PRSS21: variants seen among roughly 807,000 people sequenced by gnomAD.
PRSS21 encodes testisin.
PRSS21 carries 40 observed loss-of-function variants against 31.1 expected under a neutral mutation model. The ratio of observed to expected loss-of-function variants is 1.29; its 90% CI spans 1.00 to 1.68. PRSS21 has a LOEUF of 1.68. PRSS21 is among the 40% of genes most tolerant of loss of function. PRSS21 has a pLI of 0.00. For missense variants in PRSS21, 467 were observed against 412.6 expected (o/e 1.13, Z -1.14); for synonymous variants, 186 against 167.7 (o/e 1.11, Z -0.84).
In PRSS21 at chr16:2,821,120, T is replaced by C. The variant is rs11076844; in HGVS notation, c.705+11T>C. 1,127,574 of 1,613,290 alleles carry C rather than the reference T, an allele frequency of 0.7. 395,012 individuals are homozygous for C. Among genetic ancestry groups the C allele is most frequent in the African/African-American group, 0.83 (62,129 of 75,006 alleles). On this transcript the variant is annotated intron_variant, in intron 5 of 5. Transcript: ENST00000005995. Reference sequence around the variant, plus strand: ...AAGGATGCCTGCTTCGTGAGTGTCCTTGCCACCACTCCCAGCCCAGGAAAG... The same window carrying C: ...AAGGATGCCTGCTTCGTGAGTGTCCCTGCCACCACTCCCAGCCCAGGAAAG...
At chr16:2,819,965 C>T (rs984368541) in intron 4 of PRSS21, among the ~76,000 whole-genome samples, 1 of 152,196 alleles carries the variant, frequency 6.6e-6, no homozygotes, top group Non-Finnish European at 1.5e-5. Flanking sequence ...AGGACCCTTG[C>T]TGCAAACACG....
In PRSS21 at chr16:2,817,983, A is replaced by G. The variant is rs375587516; in HGVS notation, c.257+17A>G. On this transcript the variant is annotated intron_variant, in intron 3 of 5. Transcript: ENST00000005995. This position sits in a 1 kb window ranked among gnomAD's most constrained non-coding sequence, Gnocchi z 4.2. Reference sequence around the variant, plus strand: ...CTTTGAAACGTGAGTGGGGGTGCGAACGGAGGGGTGCGGGGACGGGCAGGA... The same window carrying G: ...CTTTGAAACGTGAGTGGGGGTGCGAGCGGAGGGGTGCGGGGACGGGCAGGA... 1 of 1,543,228 alleles carries G rather than the reference A, an allele frequency of 6.5e-7. No individual in the cohort carries two copies. Among genetic ancestry groups the G allele is most frequent in the African/African-American group, 1.4e-5 (1 of 72,896 alleles).
Position 2,817,719 on chromosome 16 carries a change from G to T in PRSS21, c.92-82G>T, listed in dbSNP as rs1416109948. The T allele has an allele frequency of 6.7e-7, 1 of 1,496,572 alleles. No individual in the cohort carries two copies. 92.7% of individuals were successfully genotyped at this position (1,496,572 alleles called of 1,614,324 possible). ...GGGTGGGCAAAAACGTGCTTTCCCG[G>T]ACGGGGTTGAAGGGGAGAAAGGGAG... On this transcript the variant is annotated intron_variant, in intron 2 of 5. Coordinates refer to ENST00000005995, the MANE Select transcript of PRSS21 (RefSeq NM_006799.4). This position sits in a 1 kb window ranked among gnomAD's most constrained non-coding sequence, Gnocchi z 4.2.
At chr16:2,819,448 G>A (rs991700505) in intron 4 of PRSS21, among the ~76,000 whole-genome samples, 2 of 152,194 alleles carry the variant, frequency 1.3e-5, no homozygotes, top group Non-Finnish European at 2.9e-5. Flanking sequence ...CCCTCTGGGG[G>A]TTCCTCTGGT....
At chr16:2,819,069 A>C (rs746112425) in intron 4 of PRSS21, 100 bp downstream of exon 4, 240 of 1,356,164 alleles carry the variant, frequency 1.8e-4, no homozygotes, top group Non-Finnish European at 2.3e-4. Flanking sequence ...GGTGCAGGCT[A>C]TGCCCCTCTT....
chr16:2,819,598 C>A (rs558574831), intron 4 of PRSS21, among the ~76,000 whole-genome samples: 3 of 152,334 alleles, frequency 2.0e-5, no homozygotes, highest in African/African-American at 7.2e-5. Context: ...CCCTGTCTGG[C>A]CCGTCCCTGC....
rs1167977313 is a variant in PRSS21 at position 2,817,336 on chromosome 16, A to G, written c.64+4A>G. On this transcript the variant is annotated splice_donor_region_variant and intron_variant, in intron 1 of 5. Coordinates refer to ENST00000005995, the MANE Select transcript of PRSS21 (RefSeq NM_006799.4). This position sits in a 1 kb window ranked among gnomAD's most constrained non-coding sequence, Gnocchi z 4.2. Reference sequence around the variant, plus strand: ...CGGGCTGGACTCAGGAAGCCGGGTGAGCTCGGGGCGCTGCTGGCGGGATGG... The same window carrying G: ...CGGGCTGGACTCAGGAAGCCGGGTGGGCTCGGGGCGCTGCTGGCGGGATGG... 1.9e-6 allele frequency: 3 copies of G among 1,556,294 alleles called. No homozygotes were observed. Among genetic ancestry groups the G allele is most frequent in the Non-Finnish European group, 2.6e-6 (3 of 1,155,068 alleles).
chr16:2,818,032 G>A, intron 3 of PRSS21, 66 bp downstream of exon 3: 1 of 1,492,588 alleles, frequency 6.7e-7, no homozygotes, highest in South Asian at 1.3e-5. Context: ...GAGTGCCACC[G>A]AACTTTACCT....
Position 2,817,847 on chromosome 16 carries a change from G to T in PRSS21, c.138G>T (p.Glu46Asp), listed in dbSNP as rs1428676662. 6.4e-7 allele frequency: 1 copy of T among 1,550,944 alleles called. No homozygotes were observed. The highest frequency in any genetic ancestry group is 2.0e-5 in the Admixed American group (1 of 51,126). ...RVITSRIVGG[E>D]DAELGRWPWQ... The stretch of plus-strand genomic sequence containing the variant: ...TCACGTCGCGCATCGTGGGTGGAGA[G>T]GACGCCGAACTCGGGCGTTGGCCGT... Residue 46 changes from glutamate (E) to aspartate (D), a missense_variant, in exon 3 of 6, where the codon GAG becomes GAT. Physicochemically the swap from Glu to Asp is conservative, Grantham distance 45. Coordinates refer to ENST00000005995, the MANE Select transcript of PRSS21 (RefSeq NM_006799.4). This position sits in a 1 kb window ranked among gnomAD's most constrained non-coding sequence, Gnocchi z 4.2.
rs1371323083 is a variant in PRSS21 at position 2,817,337 on chromosome 16, G to C, written c.64+5G>C. 6.4e-7 allele frequency: 1 copy of C among 1,557,660 alleles called. No homozygotes were observed. The highest frequency in any genetic ancestry group is 1.8e-5 in the Admixed American group (1 of 54,540). ...GGGCTGGACTCAGGAAGCCGGGTGA[G>C]CTCGGGGCGCTGCTGGCGGGATGGG... On this transcript the variant is annotated splice_donor_5th_base_variant and intron_variant, in intron 1 of 5. Transcript: ENST00000005995. The surrounding 1 kb of genome is among the most constrained non-coding windows in gnomAD (Gnocchi z 4.2).
intron 4 of PRSS21, among the ~76,000 whole-genome samples, chr16:2,820,282 C>A (rs2069148374): frequency 6.6e-6 from 1 of 152,228 alleles, no homozygotes; most frequent in Non-Finnish European, 1.5e-5. Flanking sequence ...AGGAGAGGCC[C>A]CGCTGACGGG....
rs777475913 is a variant in PRSS21 at position 2,817,428 on chromosome 16, A to T, written c.65-2A>T. On this transcript the variant is annotated splice_acceptor_variant, in intron 1 of 5. Transcript: ENST00000005995. LOFTEE classifies it high-confidence loss of function. The surrounding 1 kb of genome is among the most constrained non-coding windows in gnomAD (Gnocchi z 4.2). Reference sequence around the variant, plus strand: ...CGGGGAGTCACTTCTTGTCTCCCGCAGAGTCGCAGGAGGCGGCGCCGTTAT... The same window carrying T: ...CGGGGAGTCACTTCTTGTCTCCCGCTGAGTCGCAGGAGGCGGCGCCGTTAT... 22 of 1,577,048 alleles carry T rather than the reference A, an allele frequency of 1.4e-5. No individual in the cohort carries two copies. Among genetic ancestry groups the T allele is most frequent in the Non-Finnish European group, 1.6e-5 (19 of 1,165,066 alleles).
intron 4 of PRSS21, among the ~76,000 whole-genome samples, chr16:2,820,610 G>T (rs1045675196): frequency 6.6e-6 from 1 of 152,190 alleles, no homozygotes; most frequent in Non-Finnish European, 1.5e-5. Flanking sequence ...CCCAGGTCTG[G>T]CTTTGGATGC....
rs897993048 is a variant in PRSS21, at chr16:2,817,247, T to C, written c.-22T>C. On this transcript the variant is annotated 5_prime_UTR_variant, in exon 1 of 6. Coordinates refer to ENST00000005995, the MANE Select transcript of PRSS21 (RefSeq NM_006799.4). This position sits in a 1 kb window ranked among gnomAD's most constrained non-coding sequence, Gnocchi z 4.2. ...GGCGCGAGAGGAGGCAGAGGGGGCG[T>C]CAGGCCGCGGGAGAGGAGGCCATGG... 42 of 1,491,206 alleles carry C rather than the reference T, an allele frequency of 2.8e-5. No homozygotes were observed. The highest frequency in any genetic ancestry group is 1.0e-4 in the African/African-American group (7 of 68,078). 92.4% of individuals were successfully genotyped at this position (1,491,206 alleles called of 1,614,324 possible). A position where few individuals can be genotyped will look rare whatever the true frequency, so the allele number is the denominator to read the frequency against.
At chr16:2,819,990 A>AGG (rs1160473519) in intron 4 of PRSS21, among the ~76,000 whole-genome samples, 2 of 152,180 alleles carry the variant, frequency 1.3e-5, no homozygotes, top group African/African-American at 2.4e-5. Flanking sequence ...GATATGAGCC[A>AGG]GGGGCACGGC....
In PRSS21 at chr16:2,818,851, T is replaced by G. The variant is rs35976735; in HGVS notation, c.432T>G (p.Ser144=). ...SPYDIALVKL[S]APVTYTKHIQ... ...ATGACATTGCCTTGGTGAAGCTGTC[T>G]GCACCTGTCACCTACACTAAACACA... The change falls in exon 4 of 6, where the codon TCT becomes TCG. Residue 144 remains serine (S), a synonymous_variant. Transcript: ENST00000005995. 2 of 1,613,870 alleles carry G rather than the reference T, an allele frequency of 1.2e-6. No homozygotes were observed. The highest frequency in any genetic ancestry group is 1.7e-6 in the Non-Finnish European group (2 of 1,179,840).
chr16:2,819,013 C>A lies in PRSS21; in HGVS notation c.550+44C>A, dbSNP rs542555276. On this transcript the variant is annotated intron_variant, in intron 4 of 5. Coordinates refer to ENST00000005995, the MANE Select transcript of PRSS21 (RefSeq NM_006799.4). ...GGGTCAGGGAGGAACTGTCTTTGTT[C>A]ACCTGTTCCCCTGCATAGGCACAAT... 96 of 1,598,566 alleles carry A rather than the reference C, an allele frequency of 6.0e-5. 2 individuals carry two copies. In the South Asian group the frequency reaches 1.0e-3, roughly 17 times the overall value.
rs146250648 is a variant in PRSS21, at chr16:2,821,094, G to A, written c.690G>A (p.Gly230=). Residue 230 remains glycine (G), a synonymous_variant, in exon 5 of 6, where the codon GGG becomes GGA. Transcript: ENST00000005995. ...DMVCAGNAQG[G]KDACFGDSGG... Reference sequence around the variant, plus strand: ...TTTGTGCTGGCAATGCCCAAGGCGGGAAGGATGCCTGCTTCGTGAGTGTCC... The same window carrying A: ...TTTGTGCTGGCAATGCCCAAGGCGGAAAGGATGCCTGCTTCGTGAGTGTCC... 2.3e-4 allele frequency: 373 copies of A among 1,614,090 alleles called. 3 individuals are homozygous for A. In the East Asian group the frequency reaches 7.9e-3, roughly 34 times the overall value.
chr16:2,818,085 G>A lies in PRSS21; in HGVS notation c.257+119G>A, dbSNP rs1176078399. On this transcript the variant is annotated intron_variant, in intron 3 of 5. Transcript: ENST00000005995. ...TTGGGCGTGAAAGTTGTGCGTGGAT[G>A]CGGCCTGGTGTTCTCCTGAGCCCCA... is the stretch of plus-strand genomic sequence containing the variant. 3.9e-6 allele frequency: 5 copies of A among 1,270,944 alleles called. No individual in the cohort carries two copies. In the African/African-American group the frequency reaches 4.4e-5, roughly 11 times the overall value. The allele number at this position is 1,270,944 out of a possible 1,614,324, so 78.7% of individuals were successfully genotyped here.
Sources: gnomAD v4.1 joint callset for allele counts (sites outside exome capture counted in the v4.1 genomes callset) on GRCh38, gnomAD v4.1.1 for gene constraint, Gnocchi (gnomAD v3.1) non-coding constraint, MANE v1.5 for transcripts, NCBI Gene and HGNC (gene_info 2026-07-23, HGNC 2026-07-21) for gene names.